Variants in KIRREL3 observed in about 807,000 individuals in gnomAD.
KIRREL3 encodes the protein kin of IRRE-like protein 3.
In KIRREL3, 36 loss-of-function variants were observed where a neutral mutation model predicts 89.7. That is an observed-to-expected ratio of 0.40 (90% CI 0.31 to 0.53). KIRREL3 has a LOEUF of 0.53. Ranked by LOEUF, KIRREL3 falls within the 20% of genes least tolerant of loss-of-function variation. The probability of loss-of-function intolerance (pLI) is 0.49; values close to 1 mark genes in which losing one functional copy is unlikely to be tolerated. For synonymous variants in KIRREL3, 445 were observed against 441.4 expected (o/e 1.01, Z -0.10); for missense variants, 864 against 1,056.6 (o/e 0.82, Z 2.53).
At chr11:126,440,636 T>A in intron 10 of KIRREL3, 87 bp from the exon 11 acceptor site, 1 of 1,159,982 alleles carries the variant, frequency 8.6e-7, no homozygotes, top group Non-Finnish European at 1.3e-6. Context: ...GTGTATTCAT[T>A]AATCCAAGCA....
chr11:126,532,480 A>T (rs933071565), intron 2 of KIRREL3, among the ~76,000 whole-genome samples: 9 of 151,846 alleles, frequency 5.9e-5, no homozygotes, highest in African/African-American at 2.2e-4. Flanking sequence ...GGTTCAAGGG[A>T]TTCTCCTGCC....
Position 126,423,631 on chromosome 11 carries a change from T to G in KIRREL3, c.*949A>C, listed in dbSNP as rs1222539727. On this transcript the variant is annotated 3_prime_UTR_variant, in exon 17 of 17. Coordinates refer to ENST00000525144, the MANE Select transcript of KIRREL3 (RefSeq NM_032531.4). Reference sequence around the variant, plus strand: ...TGTTTATCAGCTGAGAAGGGCAGTCTCGCCATCTTAAAGACCTGCCCTCCA... The same window carrying G: ...TGTTTATCAGCTGAGAAGGGCAGTCGCGCCATCTTAAAGACCTGCCCTCCA... 1 of 152,216 alleles carries G rather than the reference T, an allele frequency of 6.6e-6. No homozygotes were observed. Among genetic ancestry groups the G allele is most frequent in the Non-Finnish European group, 1.5e-5 (1 of 68,046 alleles). The allele number at this position is 152,216 out of a possible 1,614,324, so 9.4% of individuals were successfully genotyped here.
At chr11:126,733,536 TTATGCC>T (rs1352596355) in intron 1 of KIRREL3, among the ~76,000 whole-genome samples, 5 of 24,220 alleles carry the variant, frequency 2.1e-4, no homozygotes, top group Non-Finnish European at 4.9e-4. Context: ...TATTCAGCCA[TTATGCC>T]ATTATACTTC....
rs1958735233 is a variant in KIRREL3 at position 126,525,880 on chromosome 11, A to G, written c.283+658T>C. Among the ~76,000 whole-genome samples the G allele has an allele frequency of 6.6e-6, 1 of 152,140 alleles. No homozygotes were observed. The highest frequency in any genetic ancestry group is 1.5e-5 in the Non-Finnish European group (1 of 68,022). ...GTATGGTCTTATGGGATCACTATTCACAATAGTTAACAAATGATCTGTTGT... is the reference window on the plus strand; with the variant it reads ...GTATGGTCTTATGGGATCACTATTCGCAATAGTTAACAAATGATCTGTTGT... On this transcript the variant is annotated intron_variant, in intron 3 of 16. Coordinates refer to ENST00000525144, the MANE Select transcript of KIRREL3 (RefSeq NM_032531.4). The surrounding 1 kb of genome is among the most constrained non-coding windows in gnomAD (Gnocchi z 5.4).
intron 9 of KIRREL3, among the ~76,000 whole-genome samples, chr11:126,445,912 G>A (rs556173396): frequency 1.3e-5 from 2 of 152,322 alleles, no homozygotes; most frequent in South Asian, 4.1e-4. Flanking sequence ...ACTTTGGGAG[G>A]CCGAGGTGGG....
intron 4 of KIRREL3, among the ~76,000 whole-genome samples, chr11:126,478,587 GTA>G (rs1957131610): frequency 1.3e-5 from 2 of 151,096 alleles, no homozygotes; most frequent in South Asian, 4.2e-4. Flanking sequence ...GTACACGTGT[GTA>G]TGTGTATATG....
chr11:126,968,933 C>T (rs1949355326), intron 1 of KIRREL3, among the ~76,000 whole-genome samples: 2 of 152,156 alleles, frequency 1.3e-5, no homozygotes, highest in Admixed American at 1.3e-4. Flanking sequence ...AAAAACGGGG[C>T]ATGACTGGAC....
Position 126,897,894 on chromosome 11 carries a change from G to C in KIRREL3, c.55+102561C>G, listed in dbSNP as rs1019482468. 6.6e-6 allele frequency among the ~76,000 whole-genome samples: 1 copy of C among 152,138 alleles called. No homozygotes were observed. Among genetic ancestry groups the C allele is most frequent in the African/African-American group, 2.4e-5 (1 of 41,410 alleles). Reference sequence around the variant, plus strand: ...CATATCCACTGATGTATGGCACCTCGAGTTGCTGCTGGGACTGCAGAGGAC... The same window carrying C: ...CATATCCACTGATGTATGGCACCTCCAGTTGCTGCTGGGACTGCAGAGGAC... On this transcript the variant is annotated intron_variant, in intron 1 of 16. Coordinates refer to ENST00000525144, the MANE Select transcript of KIRREL3 (RefSeq NM_032531.4). The surrounding 1 kb of genome is among the most constrained non-coding windows in gnomAD (Gnocchi z 4.2).
chr11:126,480,945 A>G (rs1957201306), intron 4 of KIRREL3, among the ~76,000 whole-genome samples: 2 of 152,202 alleles, frequency 1.3e-5, no homozygotes, highest in Non-Finnish European at 2.9e-5. Context: ...GGAGAACTGC[A>G]GGATGTAGAG....
At position 126,544,671 on chromosome 11, in the gene KIRREL3, C is replaced by T. The variant is rs890505959; in HGVS notation, c.134-17984G>A. 1.3e-5 allele frequency among the ~76,000 whole-genome samples: 2 copies of T among 152,166 alleles called. No individual in the cohort carries two copies. Among genetic ancestry groups the T allele is most frequent in the Non-Finnish European group, 2.9e-5 (2 of 68,036 alleles). ...GGGCCCTGTCATTTATTTACTCCCT[C>T]CACGGGGCTGCTTTTTGTATCTGGG... is the stretch of plus-strand genomic sequence containing the variant. On this transcript the variant is annotated intron_variant, in intron 2 of 16. Coordinates refer to ENST00000525144, the MANE Select transcript of KIRREL3 (RefSeq NM_032531.4). The surrounding 1 kb of genome is among the most constrained non-coding windows in gnomAD (Gnocchi z 5.6).
At position 126,736,646 on chromosome 11, in the gene KIRREL3, C is replaced by G. The variant is rs892140241; in HGVS notation, c.56-173734G>C. ...GAGGAGCCCAGGGTGCTGCTAACCA[C>G]TCTGCAATGCACAGGCCAGCCCCCA... On this transcript the variant is annotated intron_variant, in intron 1 of 16. Coordinates refer to ENST00000525144, the MANE Select transcript of KIRREL3 (RefSeq NM_032531.4). This position sits in a 1 kb window ranked among gnomAD's most constrained non-coding sequence, Gnocchi z 5.0. Among the ~76,000 whole-genome samples, 5 of 152,174 alleles carry G rather than the reference C, an allele frequency of 3.3e-5. No individual in the cohort carries two copies. The highest frequency in any genetic ancestry group is 1.2e-4 in the African/African-American group (5 of 41,440).
rs377409483 is a variant in KIRREL3 at position 126,777,254 on chromosome 11, C to T, written c.56-214342G>A. Among the ~76,000 whole-genome samples the T allele has an allele frequency of 3.1e-4, 47 of 152,238 alleles. No individual in the cohort carries two copies. In the South Asian group the frequency reaches 9.8e-3, roughly 32 times the overall value. ...GACATCCTACAATGCACAGCATGGT[C>T]CCCCACAATCAGGAATTATCTGGCC... On this transcript the variant is annotated intron_variant, in intron 1 of 16. Transcript: ENST00000525144.
Position 126,705,703 on chromosome 11 carries a change from G to A in KIRREL3, c.56-142791C>T, listed in dbSNP as rs1171693265. On this transcript the variant is annotated intron_variant, in intron 1 of 16. Transcript: ENST00000525144. The surrounding 1 kb of genome is among the most constrained non-coding windows in gnomAD (Gnocchi z 4.3). Reference sequence around the variant, plus strand: ...ATGTAATGTATACCTATGTGTATGTGCATAAATGGAAAATGCACTGTGGTA... The same window carrying A: ...ATGTAATGTATACCTATGTGTATGTACATAAATGGAAAATGCACTGTGGTA... Among the ~76,000 whole-genome samples, 4 of 152,166 alleles carry A rather than the reference G, an allele frequency of 2.6e-5. No homozygotes were observed. Among genetic ancestry groups the A allele is most frequent in the African/African-American group, 4.8e-5 (2 of 41,422 alleles).
chr11:126,437,651 G>T (rs1955407661), intron 11 of KIRREL3, among the ~76,000 whole-genome samples: 3 of 151,888 alleles, frequency 2.0e-5, no homozygotes, highest in Non-Finnish European at 4.4e-5. Flanking sequence ...ACATGATACA[G>T]ACATGTACAT....
intron 4 of KIRREL3, among the ~76,000 whole-genome samples, chr11:126,510,074 G>A (rs928235865): frequency 7.9e-5 from 12 of 151,534 alleles, no homozygotes; most frequent in African/African-American, 2.7e-4. Context: ...TGAGAACTTT[G>A]GATCTGGGCT....
At chr11:126,881,529 T>C (rs371892921) in intron 1 of KIRREL3, among the ~76,000 whole-genome samples, 44 of 152,300 alleles carry the variant, frequency 2.9e-4, no homozygotes, top group African/African-American at 1.1e-3. Flanking sequence ...TTCTTAAAGC[T>C]CTTAATGCAA....
intron 1 of KIRREL3, among the ~76,000 whole-genome samples, chr11:126,840,773 T>C (rs1226668347): frequency 6.6e-6 from 1 of 152,210 alleles, no homozygotes; most frequent in Non-Finnish European, 1.5e-5. Flanking sequence ...CCTCTGGGTT[T>C]TCAGGTTGAA....
Position 126,459,129 on chromosome 11 carries a change from G to A in KIRREL3, c.743-2675C>T, listed in dbSNP as rs1014397287. Among the ~76,000 whole-genome samples the A allele has an allele frequency of 3.3e-5, 5 of 152,144 alleles. No homozygotes were observed. Among genetic ancestry groups the A allele is most frequent in the South Asian group, 2.1e-4 (1 of 4,822 alleles). ...GCATTATAAAGGCCAACGCTGGGAC[G>A]TGAGTACCCACCCCAAGTCTGGTTT... On this transcript the variant is annotated intron_variant, in intron 6 of 16. Transcript: ENST00000525144. The surrounding 1 kb of genome is among the most constrained non-coding windows in gnomAD (Gnocchi z 4.8).
Position 126,570,582 on chromosome 11 carries a change from A to G in KIRREL3, c.56-7670T>C, listed in dbSNP as rs1180401931. ...CACACCTGCTGATCACGTGCCGATC[A>G]GCACCTTACAGCTTGGTAAGCAGTG... On this transcript the variant is annotated intron_variant, in intron 1 of 16. Coordinates refer to ENST00000525144, the MANE Select transcript of KIRREL3 (RefSeq NM_032531.4). This position sits in a 1 kb window ranked among gnomAD's most constrained non-coding sequence, Gnocchi z 6.1. 6.6e-6 allele frequency among the ~76,000 whole-genome samples: 1 copy of G among 152,220 alleles called. No individual in the cohort carries two copies. The highest frequency in any genetic ancestry group is 1.5e-5 in the Non-Finnish European group (1 of 68,042).
Sources: gnomAD v4.1 joint callset for allele counts (sites outside exome capture counted in the v4.1 genomes callset) on GRCh38, gnomAD v4.1.1 for gene constraint, Gnocchi (gnomAD v3.1) non-coding constraint, MANE v1.5 for transcripts, NCBI Gene and HGNC (gene_info 2026-07-23, HGNC 2026-07-21) for gene names.